The following RHEB variants were observed in gnomAD, a reference collection of about 807,000 sequenced individuals.
RHEB encodes the protein GTP-binding protein Rheb.
A neutral mutation model predicts 28.8 loss-of-function variants in RHEB; 2 were observed. The ratio of observed to expected loss-of-function variants is 0.07; its 90% confidence interval spans 0.03 to 0.22. The LOEUF (loss-of-function observed/expected upper bound fraction) is 0.22. Ranked by LOEUF, RHEB falls within the 10% of genes least tolerant of loss-of-function variation. RHEB has a pLI of 1.00. For missense variants in RHEB, 76 were observed against 219.9 expected, an observed-to-expected ratio of 0.35 and a Z score of 4.14; for synonymous variants, 69 against 77.3, an observed-to-expected ratio of 0.89 and a Z score of 0.56.
intron 1 of RHEB, chr7:151,498,043 C>A (rs1802704540): frequency 9.1e-7 from 1 of 1,103,452 alleles, no homozygotes; most frequent in Non-Finnish European, 1.2e-6. Context: ...GATGAATGCA[C>A]CTTACAGAAA....
intron 1 of RHEB, among the ~76,000 whole-genome samples, chr7:151,516,757 C>T (rs1803088926): frequency 6.6e-6 from 1 of 151,646 alleles, no homozygotes; most frequent in Admixed American, 6.6e-5. Flanking sequence ...ACTAGTCAAA[C>T]TGGCTTAATG....
intron 1 of RHEB, among the ~76,000 whole-genome samples, chr7:151,498,499 C>T (rs188871161): frequency 6.6e-6 from 1 of 152,138 alleles, no homozygotes; most frequent in Admixed American, 6.5e-5. Flanking sequence ...TGGTAGTGCA[C>T]GCCCATGCTC....
intron 1 of RHEB, chr7:151,503,520 C>T: frequency 1.3e-6 from 1 of 759,728 alleles, no homozygotes. Flanking sequence ...GAAGCATACC[C>T]ATGGTGGAAT....
At chr7:151,504,424 T>C (rs1802830483) in intron 1 of RHEB, among the ~76,000 whole-genome samples, 1 of 152,160 alleles carries the variant, frequency 6.6e-6, no homozygotes, top group South Asian at 2.1e-4. Context: ...AGCCCTGCTT[T>C]TCACCCTGCA....
intron 3 of RHEB, among the ~76,000 whole-genome samples, chr7:151,477,700 T>C (rs1468083239): frequency 1.3e-5 from 2 of 152,204 alleles, no homozygotes; most frequent in Admixed American, 6.5e-5. Context: ...ACAAAAATCA[T>C]TGGCTCTGTG....
chr7:151,491,087 A>G (rs1158581792), intron 1 of RHEB, 73 bp from the exon 2 acceptor site: 21 of 1,056,994 alleles, frequency 2.0e-5, no homozygotes, highest in Non-Finnish European at 2.9e-5. Flanking sequence ...CTGTTTTATT[A>G]AAAAACCATT....
At chr7:151,481,127 C>A (rs1460687825) in intron 3 of RHEB, among the ~76,000 whole-genome samples, 2 of 149,784 alleles carry the variant, frequency 1.3e-5, no homozygotes, top group African/African-American at 2.5e-5. Context: ...ATAGAAGAGG[C>A]TACTTTTTTT....
chr7:151,501,839 T>TC, intron 1 of RHEB: 1 of 512,112 alleles, frequency 2.0e-6, no homozygotes, highest in Admixed American at 2.5e-5. Flanking sequence ...CAGCCGCTGC[T>TC]GCCCAGAACT....
chr7:151,478,396 A>G (rs961428391), intron 3 of RHEB, among the ~76,000 whole-genome samples: 1 of 151,696 alleles, frequency 6.6e-6, no homozygotes, highest in Non-Finnish European at 1.5e-5. Flanking sequence ...AGAAAAAAAA[A>G]AAAAGAAAAG....
intron 1 of RHEB, among the ~76,000 whole-genome samples, chr7:151,507,843 A>C (rs1480241308): frequency 6.6e-6 from 1 of 152,216 alleles, no homozygotes; most frequent in African/African-American, 2.4e-5. Context: ...GAAAATAAGA[A>C]ATACGTTTAA....
intron 1 of RHEB, among the ~76,000 whole-genome samples, chr7:151,500,858 C>T (rs1246780570): frequency 1.3e-5 from 2 of 152,048 alleles, no homozygotes; most frequent in East Asian, 3.9e-4. Context: ...GTGGTGTGCT[C>T]TTGTGGTACC....
At position 151,466,632 on chromosome 7, in the gene RHEB, GGCCTTCCTGAA is replaced by G. The variant is rs1255791901; in HGVS notation, c.*476_*486del. 6.4e-6 allele frequency: 1 copy of G among 155,762 alleles called. No homozygotes were observed. The highest frequency in any genetic ancestry group is 1.4e-5 in the Non-Finnish European group (1 of 70,644). 9.6% of individuals were successfully genotyped at this position (155,762 alleles called of 1,614,324 possible). A position where few individuals can be genotyped will look rare whatever the true frequency, so the allele number is the denominator to read the frequency against. ...CACTGGTTTCTGGAATCCAACCTGG[GGCCTTCCTGAA>G]GCCAAGTGAGAAACTCAGGACAAGG... On this transcript the variant is annotated 3_prime_UTR_variant, in exon 8 of 8. Coordinates refer to ENST00000262187, the MANE Select transcript of RHEB (RefSeq NM_005614.4).
intron 4 of RHEB, among the ~76,000 whole-genome samples, chr7:151,476,428 A>G (rs763737473): frequency 1.3e-5 from 2 of 152,218 alleles, no homozygotes; most frequent in Non-Finnish European, 2.9e-5. Context: ...AGTAAGTTCT[A>G]TTGGACAGTG....
intron 1 of RHEB, among the ~76,000 whole-genome samples, chr7:151,506,064 G>A (rs1802872099): frequency 6.6e-6 from 1 of 151,872 alleles, no homozygotes; most frequent in Admixed American, 6.6e-5. Context: ...GGTTACATAG[G>A]TGCATAAATC....
At chr7:151,497,199 T>C (rs770284985) in intron 1 of RHEB, among the ~76,000 whole-genome samples, 2 of 152,150 alleles carry the variant, frequency 1.3e-5, no homozygotes, top group Admixed American at 6.5e-5. Flanking sequence ...CTAAGGTCTA[T>C]CCCTCCATGT....
At position 151,471,537 on chromosome 7, in the gene RHEB, G is replaced by A; in HGVS notation, c.332+12C>T. ...AGTTTCTCTAACAAGCAGATAAAATGGTACTACTTACTGTACTTTCCCCAC... is the reference window on the plus strand; with the variant it reads ...AGTTTCTCTAACAAGCAGATAAAATAGTACTACTTACTGTACTTTCCCCAC... On this transcript the variant is annotated intron_variant, in intron 5 of 7. Transcript: ENST00000262187. The A allele has an allele frequency of 2.5e-6, 4 of 1,594,814 alleles. No individual in the cohort carries two copies. The highest frequency in any genetic ancestry group is 3.4e-6 in the Non-Finnish European group (4 of 1,165,972).
intron 1 of RHEB, among the ~76,000 whole-genome samples, chr7:151,496,083 T>C (rs1483710525): frequency 6.6e-6 from 1 of 152,222 alleles, no homozygotes; most frequent in African/African-American, 2.4e-5. Context: ...TTAGAACCGA[T>C]GTAATGCATC....
chr7:151,477,302 A>T lies in RHEB; in HGVS notation c.275+31T>A, dbSNP rs369961849. 6 of 1,279,162 alleles carry T rather than the reference A, an allele frequency of 4.7e-6. No homozygotes were observed. The East Asian group carries it at 1.4e-4, about 30-fold the overall frequency. 79.2% of individuals were successfully genotyped at this position (1,279,162 alleles called of 1,614,324 possible). ...GGATCAATGTTATCTATGAGTAGCA[A>T]ATCAACTCAAGCAGGCAGCAGGAGT... On this transcript the variant is annotated intron_variant, in intron 4 of 7. Transcript: ENST00000262187.
At chr7:151,490,765 A>T (rs1442041434) in intron 2 of RHEB, among the ~76,000 whole-genome samples, 178 bp downstream of exon 2, 1 of 152,226 alleles carries the variant, frequency 6.6e-6, no homozygotes, top group Non-Finnish European at 1.5e-5. Context: ...GGGGATGCAG[A>T]CATGGAAGGA....
Sources: gnomAD v4.1 joint callset for allele counts (sites outside exome capture counted in the v4.1 genomes callset) on GRCh38, gnomAD v4.1.1 for gene constraint, MANE v1.5 for transcripts, NCBI Gene and HGNC (gene_info 2026-07-23, HGNC 2026-07-21) for gene names.